The following UGT1A9 variants were observed in gnomAD, a reference collection of about 807,000 sequenced individuals.
The protein encoded by UGT1A9 is UDP glucuronosyltransferase family 1 member A9.
UGT1A9 carries 35 observed loss-of-function variants against 45.0 expected under a neutral mutation model. That is an observed-to-expected ratio of 0.78 (90% confidence interval 0.59 to 1.03). The LOEUF (loss-of-function observed/expected upper bound fraction) is 1.03, where lower values mean the gene tolerates loss of function less well. Among genes scored for constraint, UGT1A9 ranks in the 50% least tolerant of loss-of-function variants. The pLI, the probability that UGT1A9 is intolerant of heterozygous loss-of-function variation, is 0.00. For synonymous variants in UGT1A9, 278 were observed against 250.6 expected (o/e 1.11, Z -1.03); for missense variants, 687 against 666.6 (o/e 1.03, Z -0.34).
intron 1 of UGT1A9, among the ~76,000 whole-genome samples, chr2:233,683,181 A>G (rs527983544): frequency 2.6e-5 from 4 of 152,152 alleles, no homozygotes; most frequent in African/African-American, 4.8e-5. Flanking sequence ...ATGTATATGC[A>G]TATATTTAGG....
chr2:233,675,703 G>T (rs2074331659), intron 1 of UGT1A9, among the ~76,000 whole-genome samples: 1 of 152,092 alleles, frequency 6.6e-6, no homozygotes, highest in Non-Finnish European at 1.5e-5. Flanking sequence ...CCATTCTTAG[G>T]TTAAATAATT....
chr2:233,699,351 C>T (rs2075500801), intron 1 of UGT1A9, among the ~76,000 whole-genome samples: 1 of 152,162 alleles, frequency 6.6e-6, no homozygotes, highest in Non-Finnish European at 1.5e-5. Flanking sequence ...GGGCTAACCT[C>T]TTTTCTTATT....
At chr2:233,767,759 AG>A in intron 2 of UGT1A9, 89 bp from the exon 3 acceptor site, 5 of 1,604,854 alleles carry the variant, frequency 3.1e-6, no homozygotes, top group Non-Finnish European at 4.3e-6. Flanking sequence ...GTTCCTTCAG[AG>A]GACCCCTGTT....
chr2:233,672,938 C>A (rs1039914779), intron 1 of UGT1A9, 149 bp downstream of exon 1: 6 of 1,418,726 alleles, frequency 4.2e-6, no homozygotes, highest in Non-Finnish European at 5.6e-6. Flanking sequence ...AATGCGTGTA[C>A]TCGTCAGTAG....
intron 1 of UGT1A9, among the ~76,000 whole-genome samples, chr2:233,683,942 T>C (rs2074656989): frequency 6.6e-6 from 1 of 152,210 alleles, no homozygotes; most frequent in Non-Finnish European, 1.5e-5. Context: ...ATATTGTTGG[T>C]CTAGCCAGCT....
In UGT1A9 at chr2:233,725,255, AGAGGCAGAG is replaced by A. The variant is rs1488139555; in HGVS notation, c.856-41768_856-41760del. On this transcript the variant is annotated intron_variant, in intron 1 of 4. Coordinates refer to ENST00000354728, the MANE Select transcript of UGT1A9 (RefSeq NM_021027.3). Reference sequence around the variant, plus strand: ...CAGAGGAGGCAGAGGCAGAGGAGGCAGAGGCAGAGGAGGCAGAGGCAGAGGCAGAGGCAG... The same window carrying A: ...CAGAGGAGGCAGAGGCAGAGGAGGCAGAGGCAGAGGCAGAGGCAGAGGCAG... Among the ~76,000 whole-genome samples, 19 of 63,990 alleles carry A rather than the reference AGAGGCAGAG, an allele frequency of 3.0e-4. 2 individuals carry two copies. Among genetic ancestry groups the A allele is most frequent in the African/African-American group, 1.5e-3 (12 of 7,816 alleles). 42.0% of individuals were successfully genotyped at this position (63,990 alleles called of 152,430 possible).
At chr2:233,761,667 C>T (rs1186419843) in intron 1 of UGT1A9, among the ~76,000 whole-genome samples, 1 of 152,258 alleles carries the variant, frequency 6.6e-6, no homozygotes, top group African/African-American at 2.4e-5. Flanking sequence ...AATCACCAGA[C>T]AGTCAGGTTC....
chr2:233,686,521 C>T (rs752399800), intron 1 of UGT1A9, among the ~76,000 whole-genome samples: 3 of 152,078 alleles, frequency 2.0e-5, no homozygotes, highest in African/African-American at 4.8e-5. Context: ...CCTCCACCTG[C>T]GTTAGAACCT....
chr2:233,689,691 G>C (rs1033549121), intron 1 of UGT1A9, among the ~76,000 whole-genome samples: 1 of 152,206 alleles, frequency 6.6e-6, no homozygotes, highest in Non-Finnish European at 1.5e-5. Flanking sequence ...TCAGAGTTCA[G>C]TCGTTATTTC....
intron 1 of UGT1A9, among the ~76,000 whole-genome samples, chr2:233,745,730 G>T (rs1693190867): frequency 6.6e-6 from 1 of 150,482 alleles, no homozygotes; most frequent in Non-Finnish European, 1.5e-5. Context: ...GAGGGTAAGA[G>T]GCAGAGGGAG....
intron 1 of UGT1A9, among the ~76,000 whole-genome samples, chr2:233,724,739 C>T (rs1254831303): frequency 5.5e-5 from 8 of 144,282 alleles, no homozygotes; most frequent in African/African-American, 1.6e-4. Flanking sequence ...AGAGGGGCTC[C>T]TCACATCCCA....
intron 1 of UGT1A9, among the ~76,000 whole-genome samples, chr2:233,728,342 G>T (rs1241528398): frequency 6.6e-6 from 1 of 152,290 alleles, no homozygotes; most frequent in African/African-American, 2.4e-5. Context: ...CCAGTCCCTT[G>T]GTGAGCAGGA....
At chr2:233,695,921 C>A (rs2075314397) in intron 1 of UGT1A9, among the ~76,000 whole-genome samples, 1 of 152,044 alleles carries the variant, frequency 6.6e-6, no homozygotes, top group South Asian at 2.1e-4. Flanking sequence ...CTCCACACAC[C>A]AAGCAAGCAG....
chr2:233,755,133 A>G, intron 1 of UGT1A9: 1 of 1,319,072 alleles, frequency 7.6e-7, no homozygotes, highest in Non-Finnish European at 1.0e-6. Context: ...CACCTGCTTG[A>G]ATCTTCTCAC....
At chr2:233,738,082 A>T (rs1218405907) in intron 1 of UGT1A9, among the ~76,000 whole-genome samples, 1 of 152,110 alleles carries the variant, frequency 6.6e-6, no homozygotes, top group South Asian at 2.1e-4. Context: ...TCCTAATCTC[A>T]TCATAGTGAG....
At chr2:233,715,102 T>C (rs1462958719) in intron 1 of UGT1A9, among the ~76,000 whole-genome samples, 2 of 152,140 alleles carry the variant, frequency 1.3e-5, no homozygotes, top group East Asian at 3.9e-4. Context: ...GCCAGGCTGA[T>C]CTCAAATGCC....
intron 1 of UGT1A9, chr2:233,729,276 G>A (rs765243640): frequency 3.1e-6 from 5 of 1,614,232 alleles, no homozygotes; most frequent in Admixed American, 3.3e-5. Context: ...TCTTGCGGGA[G>A]CTCCATGCCA....
At chr2:233,751,840 C>G (rs55891750) in intron 1 of UGT1A9, among the ~76,000 whole-genome samples, 1 of 152,044 alleles carries the variant, frequency 6.6e-6, no homozygotes, top group Non-Finnish European at 1.5e-5. Flanking sequence ...GGAACTGAGT[C>G]ATTTAAACCT....
intron 1 of UGT1A9, among the ~76,000 whole-genome samples, chr2:233,674,482 C>T (rs2074286369): frequency 6.6e-6 from 1 of 152,156 alleles, no homozygotes; most frequent in Non-Finnish European, 1.5e-5. Flanking sequence ...AAGGCCCTGC[C>T]ACTTCCTGAA....
Sources: gnomAD v4.1 joint callset for allele counts (sites outside exome capture counted in the v4.1 genomes callset) on GRCh38, gnomAD v4.1.1 for gene constraint, MANE v1.5 for transcripts, NCBI Gene and HGNC (gene_info 2026-07-23, HGNC 2026-07-21) for gene names.